The following NARS2 variants were observed in gnomAD, a reference collection of about 807,000 sequenced individuals.
NARS2 encodes asparaginyl-tRNA synthetase.
In NARS2, 60 loss-of-function variants were observed where a neutral mutation model predicts 62.9. The ratio of observed to expected loss-of-function variants is 0.95; its 90% CI spans 0.77 to 1.18. The LOEUF (loss-of-function observed/expected upper bound fraction) is 1.18. Among genes scored for constraint, NARS2 ranks in the 50% most tolerant of loss-of-function variants. The probability of loss-of-function intolerance (pLI) is 0.00; values close to 1 mark genes in which losing one functional copy is unlikely to be tolerated. For missense variants in NARS2, 619 were observed against 576.4 expected, an observed-to-expected ratio of 1.07 and a Z score of -0.76; for synonymous variants, 196 against 200.0, an observed-to-expected ratio of 0.98 and a Z score of 0.17.
chr11:78,528,945 C>A lies in NARS2; in HGVS notation c.595-9G>T. 6.3e-7 allele frequency: 1 copy of A among 1,575,148 alleles called. No individual in the cohort carries two copies. Among genetic ancestry groups the A allele is most frequent in the South Asian group, 1.1e-5 (1 of 90,130 alleles). On this transcript the variant is annotated splice_polypyrimidine_tract_variant and intron_variant, in intron 5 of 13. Transcript: ENST00000281038. ...TTAAGTTTGCCTGAAGGCTGCAAAT[C>A]AAAAACATAAGCCACAAAAAACTAT... is the stretch of plus-strand genomic sequence containing the variant.
chr11:78,456,259 T>C (rs1315695204), intron 11 of NARS2, among the ~76,000 whole-genome samples: 1 of 152,226 alleles, frequency 6.6e-6, no homozygotes, highest in Non-Finnish European at 1.5e-5. Context: ...AGAAACAGTT[T>C]GGTAACAAAA....
chr11:78,550,763 C>A (rs1322479310), intron 5 of NARS2, among the ~76,000 whole-genome samples: 1 of 152,100 alleles, frequency 6.6e-6, no homozygotes, highest in Admixed American at 6.5e-5. Context: ...ATAAATTCAT[C>A]CACACAAAAA....
intron 11 of NARS2, among the ~76,000 whole-genome samples, chr11:78,456,367 G>C (rs1858163221): frequency 6.6e-6 from 1 of 152,154 alleles, no homozygotes; most frequent in African/African-American, 2.4e-5. Context: ...TCATGATAAA[G>C]AATCTCAAAG....
intron 7 of NARS2, among the ~76,000 whole-genome samples, chr11:78,481,016 T>C (rs1859330494): frequency 6.6e-6 from 1 of 152,016 alleles, no homozygotes; most frequent in Admixed American, 6.6e-5. Context: ...AGACAGGATT[T>C]CACCATGTTG....
In NARS2 at chr11:78,568,538, T is replaced by G; in HGVS notation, c.372+94A>C. The G allele has an allele frequency of 2.9e-6, 4 of 1,394,560 alleles. No homozygotes were observed. The South Asian group carries it at 6.1e-5, about 21-fold the overall frequency. 86.4% of individuals were successfully genotyped at this position (1,394,560 alleles called of 1,614,324 possible). On this transcript the variant is annotated intron_variant, in intron 3 of 13. Coordinates refer to ENST00000281038, the MANE Select transcript of NARS2 (RefSeq NM_024678.6). ...AATTATCTGTCACAAATGAAATATA[T>G]TCTAAGTTTCATCTTCCTAATAATC...
intron 5 of NARS2, among the ~76,000 whole-genome samples, chr11:78,541,917 C>T (rs1270727807): frequency 2.0e-5 from 3 of 152,158 alleles, no homozygotes; most frequent in Non-Finnish European, 2.9e-5. Context: ...CAATAAACTG[C>T]ATTCTATTTT....
Position 78,478,872 on chromosome 11 carries a change from G to C in NARS2, c.823-189C>G, listed in dbSNP as rs1859225466. 4.6e-5 allele frequency among the ~76,000 whole-genome samples: 7 copies of C among 152,146 alleles called. No individual in the cohort carries two copies. In the South Asian group the frequency reaches 1.5e-3, roughly 32 times the overall value. ...CTCAATTTCCTTGGTGGGTGGCAGG[G>C]AGGAAGAAAAAAGGAAATGTTTTAA... On this transcript the variant is annotated intron_variant, in intron 7 of 13. Transcript: ENST00000281038.
At chr11:78,479,601 G>C (rs1859261382) in intron 7 of NARS2, among the ~76,000 whole-genome samples, 1 of 152,172 alleles carries the variant, frequency 6.6e-6, no homozygotes, top group Non-Finnish European at 1.5e-5. Flanking sequence ...TGACTGGAAT[G>C]AAAAATATTT....
chr11:78,445,732 T>C (rs1347480258), intron 11 of NARS2, among the ~76,000 whole-genome samples: 1 of 151,884 alleles, frequency 6.6e-6, no homozygotes, highest in East Asian at 1.9e-4. Context: ...GGAGGACTGC[T>C]TGAGGCCAGG....
intron 5 of NARS2, among the ~76,000 whole-genome samples, chr11:78,543,121 T>C (rs920949383): frequency 1.3e-5 from 2 of 152,018 alleles, no homozygotes; most frequent in African/African-American, 4.8e-5. Context: ...GAGGTTGCAG[T>C]GGGCTGAGAT....
chr11:78,481,136 T>C lies in NARS2; in HGVS notation c.823-2453A>G, dbSNP rs115658252. On this transcript the variant is annotated intron_variant, in intron 7 of 13. Coordinates refer to ENST00000281038, the MANE Select transcript of NARS2 (RefSeq NM_024678.6). Reference sequence around the variant, plus strand: ...ACACCTGGCCTAACTTTTTATTTCATGTAAAAAATATAAGGTAAACCACTA... The same window carrying C: ...ACACCTGGCCTAACTTTTTATTTCACGTAAAAAATATAAGGTAAACCACTA... Among the ~76,000 whole-genome samples the C allele has an allele frequency of 7.8e-3, 1,179 of 152,094 alleles. 16 individuals carry two copies. The highest frequency in any genetic ancestry group is 0.027 in the African/African-American group (1,115 of 41,468).
At chr11:78,549,196 T>C (rs1012494506) in intron 5 of NARS2, among the ~76,000 whole-genome samples, 1 of 152,202 alleles carries the variant, frequency 6.6e-6, no homozygotes, top group Non-Finnish European at 1.5e-5. Flanking sequence ...TGACAGCTTT[T>C]GCCCCAGATC....
At chr11:78,544,036 A>AAAC (rs1287236871) in intron 5 of NARS2, among the ~76,000 whole-genome samples, 2 of 151,058 alleles carry the variant, frequency 1.3e-5, no homozygotes, top group African/African-American at 4.9e-5. Flanking sequence ...AAAAAAAAAA[A>AAAC]AAAACTCTCT....
intron 5 of NARS2, among the ~76,000 whole-genome samples, chr11:78,544,802 A>T (rs1252622967): frequency 6.6e-6 from 1 of 150,754 alleles, no homozygotes; most frequent in African/African-American, 2.4e-5. Context: ...TCACAAAAAA[A>T]AAAAAAAAAA....
chr11:78,535,272 C>T (rs1348168044), intron 5 of NARS2, among the ~76,000 whole-genome samples: 4 of 152,156 alleles, frequency 2.6e-5, no homozygotes, highest in African/African-American at 7.2e-5. Flanking sequence ...GCACCTAAGT[C>T]GTCACTTCCG....
intron 5 of NARS2, among the ~76,000 whole-genome samples, chr11:78,534,400 T>C (rs1192086245): frequency 1.3e-5 from 2 of 152,226 alleles, no homozygotes; most frequent in African/African-American, 4.8e-5. Context: ...CATACACTAC[T>C]ACCTTCAGCC....
At chr11:78,506,624 T>G (rs1280594182) in intron 6 of NARS2, among the ~76,000 whole-genome samples, 1 of 152,190 alleles carries the variant, frequency 6.6e-6, no homozygotes, top group Non-Finnish European at 1.5e-5. Flanking sequence ...TACATTCACC[T>G]CCTGGGCTCA....
At chr11:78,511,444 G>A (rs997812764) in intron 6 of NARS2, among the ~76,000 whole-genome samples, 1 of 152,116 alleles carries the variant, frequency 6.6e-6, no homozygotes, top group Non-Finnish European at 1.5e-5. Context: ...CAGGCCAGGC[G>A]CAGTGGCTTA....
intron 9 of NARS2, among the ~76,000 whole-genome samples, chr11:78,476,964 G>A (rs181869795): frequency 1.3e-5 from 2 of 152,256 alleles, no homozygotes; most frequent in South Asian, 2.1e-4. Context: ...CAACCTCTTT[G>A]CAGGGATTCT....
Sources: allele counts gnomAD v4.1 joint callset (sites outside exome capture counted in the v4.1 genomes callset), GRCh38; gene constraint gnomAD v4.1.1; transcripts MANE v1.5; gene names NCBI Gene and HGNC (gene_info 2026-07-23, HGNC 2026-07-21).